Variants in ADCY2 observed in about 807,000 individuals in gnomAD.
ADCY2 encodes adenylate cyclase 2.
A neutral mutation model predicts 125.2 loss-of-function variants in ADCY2; 31 were observed. The ratio of observed to expected loss-of-function variants is 0.25; its 90% CI spans 0.19 to 0.33. The LOEUF (loss-of-function observed/expected upper bound fraction) is 0.33. ADCY2 is among the 10% of genes least tolerant of loss of function. The pLI is 1.00. For missense variants in ADCY2, 904 were observed against 1,418.2 expected (o/e 0.64, Z 5.82); for synonymous variants, 512 against 548.4 (o/e 0.93, Z 0.93).
At chr5:7,608,563 G>A (rs747689725) in intron 3 of ADCY2, among the ~76,000 whole-genome samples, 4 of 152,096 alleles carry the variant, frequency 2.6e-5, no homozygotes, top group East Asian at 3.9e-4. Flanking sequence ...GCAACACAGC[G>A]AGACTCTGTC....
At chr5:7,546,692 G>A (rs1386072772) in intron 3 of ADCY2, among the ~76,000 whole-genome samples, 1 of 152,218 alleles carries the variant, frequency 6.6e-6, no homozygotes, top group African/African-American at 2.4e-5. Context: ...TTATGCTTAA[G>A]ATGCACAACC....
At chr5:7,606,624 C>T (rs972434599) in intron 3 of ADCY2, among the ~76,000 whole-genome samples, 7 of 152,122 alleles carry the variant, frequency 4.6e-5, no homozygotes, top group African/African-American at 1.7e-4. Flanking sequence ...TTAATCCAAA[C>T]TTTATCAGAT....
chr5:7,505,618 A>G (rs1743784009), intron 2 of ADCY2, among the ~76,000 whole-genome samples: 1 of 152,238 alleles, frequency 6.6e-6, no homozygotes, highest in Non-Finnish European at 1.5e-5. Flanking sequence ...TAGCTCACGG[A>G]TATGCATCTT....
chr5:7,593,409 G>T (rs1736908740), intron 3 of ADCY2, among the ~76,000 whole-genome samples: 1 of 152,206 alleles, frequency 6.6e-6, no homozygotes, highest in South Asian at 2.1e-4. Flanking sequence ...CCTGGCCAAG[G>T]CCGTTCGCAT....
At chr5:7,514,216 C>G (rs1468176611) in intron 2 of ADCY2, among the ~76,000 whole-genome samples, 3 of 152,132 alleles carry the variant, frequency 2.0e-5, no homozygotes, top group Admixed American at 6.5e-5. Context: ...GTCCATGGAC[C>G]TTGAAGCAGA....
At chr5:7,746,070 A>C (rs1019274993) in intron 15 of ADCY2, 3 of 152,482 alleles carry the variant, frequency 2.0e-5, no homozygotes, top group Admixed American at 6.5e-5. Context: ...GGTGACACCC[A>C]CAGCTCCTCC....
intron 2 of ADCY2, among the ~76,000 whole-genome samples, chr5:7,461,891 TC>T (rs1255124726): frequency 6.6e-6 from 1 of 152,234 alleles, no homozygotes; most frequent in Non-Finnish European, 1.5e-5. Flanking sequence ...TATTTAAGCA[TC>T]TATGATAATG....
At chr5:7,767,968 T>G (rs894960789) in intron 17 of ADCY2, among the ~76,000 whole-genome samples, 5 of 152,030 alleles carry the variant, frequency 3.3e-5, no homozygotes, top group African/African-American at 1.2e-4. Flanking sequence ...GAGGCAGAGC[T>G]TGCAGTAAGC....
intron 3 of ADCY2, among the ~76,000 whole-genome samples, chr5:7,523,326 A>G (rs1744529447): frequency 6.6e-6 from 1 of 152,060 alleles, no homozygotes; most frequent in South Asian, 2.1e-4. Flanking sequence ...AAAAAAAAAA[A>G]AAAAAAGTGG....
chr5:7,505,355 G>A (rs74636268), intron 2 of ADCY2, among the ~76,000 whole-genome samples: 1,783 of 152,274 alleles, frequency 0.012, 23 homozygotes, highest in Non-Finnish European at 0.019. Flanking sequence ...GAAAGACCAC[G>A]TCCCGTGCAA....
chr5:7,554,081 G>A (rs1250800925), intron 3 of ADCY2, among the ~76,000 whole-genome samples: 1 of 152,030 alleles, frequency 6.6e-6, no homozygotes, highest in Non-Finnish European at 1.5e-5. Flanking sequence ...AAAGGGCATT[G>A]GAGAAAAAGG....
intron 2 of ADCY2, among the ~76,000 whole-genome samples, chr5:7,450,475 A>T (rs544628164): frequency 6.6e-6 from 1 of 152,336 alleles, no homozygotes; most frequent in South Asian, 2.1e-4. Context: ...GAAAAGTGGG[A>T]ATCTAGCAGA....
At chr5:7,727,702 G>T (rs1741974223) in intron 14 of ADCY2, among the ~76,000 whole-genome samples, 1 of 151,926 alleles carries the variant, frequency 6.6e-6, no homozygotes, top group Admixed American at 6.6e-5. Context: ...AGTTCTGTGT[G>T]TTACACGGCC....
intron 7 of ADCY2, among the ~76,000 whole-genome samples, chr5:7,700,711 C>T (rs1741049818): frequency 6.8e-5 from 1 of 14,638 alleles, no homozygotes; most frequent in Non-Finnish European, 1.8e-4. Context: ...CCCACCCCCT[C>T]GCACCCACCA....
At chr5:7,407,542 C>T (rs1303994283) in intron 1 of ADCY2, among the ~76,000 whole-genome samples, 2 of 152,228 alleles carry the variant, frequency 1.3e-5, no homozygotes, top group East Asian at 3.9e-4. Context: ...TGGGTGGGGA[C>T]ACACAGCCAA....
intron 3 of ADCY2, among the ~76,000 whole-genome samples, chr5:7,615,605 A>T (rs567588514): frequency 6.6e-6 from 1 of 152,328 alleles, no homozygotes; most frequent in East Asian, 1.9e-4. Context: ...TATTTACTTC[A>T]TCAAAACTTT....
At chr5:7,812,392 A>G (rs1395370079) in intron 22 of ADCY2, among the ~76,000 whole-genome samples, 1 of 152,210 alleles carries the variant, frequency 6.6e-6, no homozygotes, top group Admixed American at 6.5e-5. Flanking sequence ...GACACTTAAA[A>G]GGTCAGACAC....
At chr5:7,503,681 C>T (rs1019161353) in intron 2 of ADCY2, among the ~76,000 whole-genome samples, 2 of 152,136 alleles carry the variant, frequency 1.3e-5, no homozygotes, top group Non-Finnish European at 2.9e-5. Flanking sequence ...GTGTCGATGA[C>T]TATTAACATA....
At chr5:7,481,927 G>C (rs2126474277) in intron 2 of ADCY2, among the ~76,000 whole-genome samples, 1 of 152,160 alleles carries the variant, frequency 6.6e-6, no homozygotes, top group South Asian at 2.1e-4. Context: ...TTCTTTAGTA[G>C]TTTTATAGTT....
Sources: allele counts gnomAD v4.1 joint callset (sites outside exome capture counted in the v4.1 genomes callset), GRCh38; gene constraint gnomAD v4.1.1; transcripts MANE v1.5; gene names NCBI Gene and HGNC (gene_info 2026-07-23, HGNC 2026-07-21).